CDH9: variants seen among roughly 807,000 people sequenced by gnomAD.
CDH9 encodes the protein cadherin-9.
In CDH9, 28 loss-of-function variants were observed where a neutral mutation model predicts 70.9. That is an observed-to-expected ratio of 0.40 (90% CI 0.29 to 0.54). The LOEUF (loss-of-function observed/expected upper bound fraction) is 0.54. Ranked by LOEUF, CDH9 falls within the 20% of genes least tolerant of loss-of-function variation. CDH9 has a pLI of 0.59. For missense variants in CDH9, 874 were observed against 984.4 expected (o/e 0.89, Z 1.50); for synonymous variants, 409 against 343.1 (o/e 1.19, Z -2.12).
intron 1 of CDH9, among the ~76,000 whole-genome samples, chr5:27,009,333 C>G (rs1350114110): frequency 6.6e-6 from 1 of 152,122 alleles, no homozygotes; most frequent in African/African-American, 2.4e-5. Flanking sequence ...GATATTGTAT[C>G]TGCTCTCCCA....
chr5:26,960,794 A>C (rs1366273693), intron 2 of CDH9, among the ~76,000 whole-genome samples: 2 of 81,242 alleles, frequency 2.5e-5, no homozygotes, highest in Non-Finnish European at 3.4e-5. Flanking sequence ...TCATTGTAAA[A>C]GTAATTCTAT....
chr5:27,027,877 C>T (rs766940669), intron 1 of CDH9, among the ~76,000 whole-genome samples: 14 of 151,974 alleles, frequency 9.2e-5, no homozygotes, highest in African/African-American at 2.4e-4. Context: ...TGATCATACA[C>T]GTTTCAATTT....
At chr5:26,953,998 A>C (rs1162504810) in intron 2 of CDH9, among the ~76,000 whole-genome samples, 2 of 152,206 alleles carry the variant, frequency 1.3e-5, no homozygotes, top group South Asian at 2.1e-4. Context: ...TAAATAAAAA[A>C]CAGAAGATTA....
rs576996404 is a variant in CDH9, at chr5:26,932,396, A to G, written c.229-16472T>C. 3.3e-5 allele frequency among the ~76,000 whole-genome samples: 5 copies of G among 151,390 alleles called. No individual in the cohort carries two copies. The South Asian group carries it at 1.0e-3, about 32-fold the overall frequency. ...ATTTTTCATACGAGCCCCAGTATGC[A>G]TTAACAATAAAAGAAAAAAAAACAA... On this transcript the variant is annotated intron_variant, in intron 2 of 11. Transcript: ENST00000231021.
At chr5:26,978,123 G>A (rs867507080) in intron 2 of CDH9, among the ~76,000 whole-genome samples, 1 of 151,818 alleles carries the variant, frequency 6.6e-6, no homozygotes, top group Non-Finnish European at 1.5e-5. Context: ...ACAATGTCTA[G>A]TATATAATCT....
intron 1 of CDH9, 64 bp from the exon 2 acceptor site, chr5:26,988,446 A>C: frequency 7.4e-7 from 1 of 1,350,270 alleles, no homozygotes; most frequent in Non-Finnish European, 9.9e-7. Flanking sequence ...ACAACGTGTA[A>C]ACTGAAATAC....
At chr5:26,979,071 C>T (rs1262584329) in intron 2 of CDH9, among the ~76,000 whole-genome samples, 2 of 151,550 alleles carry the variant, frequency 1.3e-5, no homozygotes, top group Non-Finnish European at 3.0e-5. Context: ...ATAAAAAGCA[C>T]TGACTAGACA....
At chr5:26,885,489 T>C in intron 11 of CDH9, 125 bp downstream of exon 11, 3 of 856,342 alleles carry the variant, frequency 3.5e-6, no homozygotes, top group Non-Finnish European at 3.6e-6. Flanking sequence ...AAAGAAGAAT[T>C]TTAATAAAAA....
chr5:26,917,102 G>A (rs921893127), intron 2 of CDH9, among the ~76,000 whole-genome samples: 6 of 151,852 alleles, frequency 4.0e-5, no homozygotes, highest in Non-Finnish European at 8.8e-5. Context: ...ATCCTAACAC[G>A]ATTCTGAAAA....
At chr5:26,894,749 C>CCAG (rs945175535) in intron 7 of CDH9, among the ~76,000 whole-genome samples, 3 of 152,034 alleles carry the variant, frequency 2.0e-5, no homozygotes, top group African/African-American at 7.2e-5. Context: ...TCTCTATGTT[C>CCAG]CAGCAGATGG....
intron 1 of CDH9, among the ~76,000 whole-genome samples, chr5:27,015,541 T>C (rs1743033274): frequency 6.6e-6 from 1 of 151,746 alleles, no homozygotes; most frequent in Non-Finnish European, 1.5e-5. Context: ...AGATATATGA[T>C]ATACCAAAAT....
At chr5:26,918,629 A>G (rs1157807440) in intron 2 of CDH9, among the ~76,000 whole-genome samples, 1 of 152,224 alleles carries the variant, frequency 6.6e-6, no homozygotes, top group Non-Finnish European at 1.5e-5. Flanking sequence ...ACACCTCAGT[A>G]TGGGTGACTA....
Position 26,906,619 on chromosome 5 carries a change from T to A in CDH9, c.643+100A>T, listed in dbSNP as rs1740953224. The A allele has an allele frequency of 3.5e-6, 5 of 1,427,686 alleles. No homozygotes were observed. The Middle Eastern group carries it at 1.1e-3, about 326-fold the overall frequency. 88.4% of individuals were successfully genotyped at this position (1,427,686 alleles called of 1,614,324 possible). A position where few individuals can be genotyped will look rare whatever the true frequency, so the allele number is the denominator to read the frequency against. On this transcript the variant is annotated intron_variant, in intron 4 of 11. Coordinates refer to ENST00000231021, the MANE Select transcript of CDH9 (RefSeq NM_016279.4). ...CAGGAAACAAATAGAAACATGAAAC[T>A]GAAAGAATAATGGTTTTAAAATATT...
Position 27,025,074 on chromosome 5 carries a change from T to C in CDH9, c.-50+13389A>G, listed in dbSNP as rs548985000. On this transcript the variant is annotated intron_variant, in intron 1 of 11. Coordinates refer to ENST00000231021, the MANE Select transcript of CDH9 (RefSeq NM_016279.4). Reference sequence around the variant, plus strand: ...TATTAATTTTTTTGTGATATAATCTTAAAAATCCAAATTGGGTATTATTTA... The same window carrying C: ...TATTAATTTTTTTGTGATATAATCTCAAAAATCCAAATTGGGTATTATTTA... Among the ~76,000 whole-genome samples, 210 of 152,248 alleles carry C rather than the reference T, an allele frequency of 1.4e-3. 1 individual carries two copies. Among genetic ancestry groups the C allele is most frequent in the Middle Eastern group, 6.8e-3 (2 of 292 alleles).
At chr5:26,952,094 G>A (rs1296647107) in intron 2 of CDH9, among the ~76,000 whole-genome samples, 1 of 150,444 alleles carries the variant, frequency 6.6e-6, no homozygotes, top group African/African-American at 2.4e-5. Flanking sequence ...CTCCCTAGTG[G>A]CTGAGATGAC....
At chr5:26,916,127 A>G (rs1741145152) in intron 2 of CDH9, among the ~76,000 whole-genome samples, 1 of 152,010 alleles carries the variant, frequency 6.6e-6, no homozygotes, top group Non-Finnish European at 1.5e-5. Context: ...TTTAGACATC[A>G]TAATGGACTA....
intron 1 of CDH9, among the ~76,000 whole-genome samples, chr5:27,019,699 C>A (rs1743104682): frequency 6.6e-6 from 1 of 151,762 alleles, no homozygotes. Context: ...AAATATTGGT[C>A]ATTCAATTAT....
At chr5:26,944,373 T>C (rs10050541) in intron 2 of CDH9, among the ~76,000 whole-genome samples, 150,166 of 152,286 alleles carry the variant, frequency 0.99, 74,082 homozygotes, top group Middle Eastern at 1. Context: ...GATAACTTGG[T>C]TGGGCAGAAT....
chr5:26,943,219 G>C (rs951764972), intron 2 of CDH9, among the ~76,000 whole-genome samples: 4 of 152,064 alleles, frequency 2.6e-5, no homozygotes, highest in Non-Finnish European at 4.4e-5. Context: ...GGGGAAAATA[G>C]CTAACTCAGG....
Sources: allele counts gnomAD v4.1 joint callset (sites outside exome capture counted in the v4.1 genomes callset), GRCh38; gene constraint gnomAD v4.1.1; transcripts MANE v1.5; gene names NCBI Gene and HGNC (gene_info 2026-07-23, HGNC 2026-07-21).